Variants in WWOX observed in about 807,000 individuals in gnomAD.
WWOX encodes the protein WW domain containing oxidoreductase, also known as WW domain-containing oxidoreductase.
In WWOX, 69 loss-of-function variants were observed where a neutral mutation model predicts 46.2. The observed-to-expected ratio is 1.49, with a 90% CI of 1.23 to 1.82. The LOEUF (loss-of-function observed/expected upper bound fraction) is 1.82. WWOX is among the 40% of genes most tolerant of loss of function. The pLI is 0.00. For synonymous variants in WWOX, 359 were observed against 202.6 expected (o/e 1.77, Z -6.56); for missense variants, 919 against 542.6 (o/e 1.69, Z -6.89).
chr16:78,513,429 A>G, intron 8 of WWOX, among the ~76,000 whole-genome samples: 1 of 152,196 alleles, frequency 6.6e-6, no homozygotes, highest in Non-Finnish European at 1.5e-5. Flanking sequence ...GCTAGGAATC[A>G]CTGGAAAATG....
At chr16:78,416,526 G>C (rs1383204541) in intron 6 of WWOX, among the ~76,000 whole-genome samples, 1 of 152,190 alleles carries the variant, frequency 6.6e-6, no homozygotes, top group Non-Finnish European at 1.5e-5. Flanking sequence ...GAGAGGAAAG[G>C]GTTTTCCCAG....
chr16:78,900,508 G>A (rs776096799), intron 8 of WWOX, among the ~76,000 whole-genome samples: 13 of 152,124 alleles, frequency 8.5e-5, no homozygotes, highest in Admixed American at 3.9e-4. Flanking sequence ...AACCCACAGA[G>A]GTCCCTATTC....
At chr16:79,012,972 G>A (rs562842947) in intron 8 of WWOX, among the ~76,000 whole-genome samples, 1 of 152,316 alleles carries the variant, frequency 6.6e-6, no homozygotes, top group South Asian at 2.1e-4. Context: ...CGGGTGGATC[G>A]CCTGAGGTCA....
chr16:78,815,251 G>A (rs555044867), intron 8 of WWOX, among the ~76,000 whole-genome samples: 7 of 152,062 alleles, frequency 4.6e-5, no homozygotes, highest in East Asian at 3.9e-4. Flanking sequence ...CTTAAGCCTC[G>A]GAGATGGAGG....
intron 8 of WWOX, among the ~76,000 whole-genome samples, chr16:78,491,430 G>T (rs2667584): frequency 0.92 from 140,205 of 152,220 alleles, 64,917 homozygotes; most frequent in Non-Finnish European, 0.97. Flanking sequence ...CACACTGATG[G>T]GTATTTAAGC....
intron 8 of WWOX, chr16:78,757,115 C>T: frequency 2.9e-6 from 2 of 679,692 alleles, no homozygotes; most frequent in South Asian, 1.5e-5. Context: ...ATTTGAGCCC[C>T]TATCTAGAAC....
intron 8 of WWOX, among the ~76,000 whole-genome samples, chr16:78,960,577 C>G (rs949058333): frequency 3.3e-5 from 5 of 152,200 alleles, no homozygotes; most frequent in East Asian, 1.9e-4. Context: ...TGAGTTATGA[C>G]TGTCAGGCAT....
intron 5 of WWOX, among the ~76,000 whole-genome samples, chr16:78,292,775 A>C (rs900783162): frequency 5.3e-5 from 8 of 152,218 alleles, no homozygotes; most frequent in African/African-American, 1.9e-4. Context: ...AGAAGAGCCA[A>C]ATAGATTCAC....
intron 8 of WWOX, among the ~76,000 whole-genome samples, chr16:78,629,234 A>ATTT (rs113735206): frequency 1.3e-5 from 2 of 148,488 alleles, no homozygotes; most frequent in African/African-American, 2.5e-5. Context: ...TCTCTTGGGT[A>ATTT]TTTTATTTTT....
rs1234692437 is a variant in WWOX at position 79,168,410 on chromosome 16, CAGAA to C, written c.1057-43194_1057-43191del. 2.6e-5 allele frequency among the ~76,000 whole-genome samples: 4 copies of C among 152,282 alleles called. No homozygotes were observed. In the East Asian group the frequency reaches 7.7e-4, roughly 29 times the overall value. On this transcript the variant is annotated intron_variant, in intron 8 of 8. Transcript: ENST00000566780. ...AGGCTTTTCATTAAGTTCATTTCTG[CAGAA>C]AGAGTTAAGGAGTGTTCTCAGGTAA...
intron 8 of WWOX, among the ~76,000 whole-genome samples, chr16:78,718,148 A>G (rs1180704526): frequency 9.3e-6 from 1 of 107,724 alleles, no homozygotes; most frequent in East Asian, 2.5e-4. Context: ...TTGCATGTTT[A>G]TAGTATCTCT....
At chr16:78,691,252 G>T in intron 8 of WWOX, 2 of 702,202 alleles carry the variant, frequency 2.8e-6, no homozygotes, top group South Asian at 1.5e-5. Context: ...GTTTCAGACT[G>T]CCTGGTAGAA....
At chr16:78,594,614 T>A (rs957740089) in intron 8 of WWOX, among the ~76,000 whole-genome samples, 1 of 152,024 alleles carries the variant, frequency 6.6e-6, no homozygotes, top group Non-Finnish European at 1.5e-5. Flanking sequence ...CCTGGTTGTT[T>A]CCAGAAAGGG....
chr16:78,757,713 T>A (rs1407393626), intron 8 of WWOX, among the ~76,000 whole-genome samples: 3 of 151,808 alleles, frequency 2.0e-5, no homozygotes, highest in Admixed American at 6.6e-5. Flanking sequence ...ATAAATCCAT[T>A]TTTATTTATT....
intron 8 of WWOX, among the ~76,000 whole-genome samples, chr16:78,513,356 T>C (rs2085410288): frequency 6.6e-6 from 1 of 152,218 alleles, no homozygotes; most frequent in Non-Finnish European, 1.5e-5. Context: ...GATGTAATTA[T>C]TGGGTCGTAG....
At chr16:78,895,505 C>G (rs1165971779) in intron 8 of WWOX, 1 of 152,216 alleles carries the variant, frequency 6.6e-6, no homozygotes, top group Non-Finnish European at 1.5e-5. Context: ...TTCTATTCCA[C>G]CAGTCTATCA....
intron 5 of WWOX, among the ~76,000 whole-genome samples, chr16:78,340,972 A>G (rs1244159935): frequency 2.5e-5 from 3 of 118,758 alleles, no homozygotes; most frequent in African/African-American, 5.7e-5. Context: ...CAAGCTGTAC[A>G]TAGCTGACAC....
intron 8 of WWOX, chr16:78,996,164 C>T (rs374918283): frequency 1.5e-4 from 145 of 944,906 alleles, no homozygotes; most frequent in Non-Finnish European, 1.8e-4. Context: ...TTTTTTTTAA[C>T]GAAACTCACA....
intron 8 of WWOX, among the ~76,000 whole-genome samples, chr16:78,536,203 G>T (rs13336511): frequency 0.025 from 3,737 of 152,160 alleles, 97 homozygotes; most frequent in African/African-American, 0.064. Flanking sequence ...GTGTAATTTG[G>T]TGCCATTCTC....
Sources: allele counts gnomAD v4.1 joint callset (sites outside exome capture counted in the v4.1 genomes callset), GRCh38; gene constraint gnomAD v4.1.1; transcripts MANE v1.5; gene names NCBI Gene and HGNC (gene_info 2026-07-23, HGNC 2026-07-21).